OXSR1: variants seen among roughly 807,000 people sequenced by gnomAD.
OXSR1 encodes serine/threonine-protein kinase OSR1.
OXSR1 carries 24 observed loss-of-function variants against 79.8 expected under a neutral mutation model. The observed-to-expected ratio is 0.30, with a 90% confidence interval of 0.22 to 0.42. The LOEUF is 0.42. OXSR1 is among the 10% of genes least tolerant of loss of function. The pLI is 1.00. For synonymous variants in OXSR1, 226 were observed against 209.2 expected (o/e 1.08, Z -0.69); for missense variants, 430 against 618.4 (o/e 0.70, Z 3.23).
intron 10 of OXSR1, among the ~76,000 whole-genome samples, chr3:38,231,735 A>G (rs1199110237): frequency 6.6e-6 from 1 of 152,174 alleles, no homozygotes; most frequent in Admixed American, 6.6e-5. Context: ...TAATATGTAT[A>G]AAATTTCTAT....
chr3:38,169,712 C>G (rs896644828), intron 1 of OXSR1, among the ~76,000 whole-genome samples: 1 of 151,434 alleles, frequency 6.6e-6, no homozygotes, highest in Non-Finnish European at 1.5e-5. Context: ...AAATATTTTC[C>G]TGTCTGTAGT....
chr3:38,177,005 A>G (rs950248229), intron 1 of OXSR1, among the ~76,000 whole-genome samples: 1 of 152,216 alleles, frequency 6.6e-6, no homozygotes, highest in Non-Finnish European at 1.5e-5. Flanking sequence ...GGGGTAGAAT[A>G]GCTGCTTTGA....
At chr3:38,186,368 A>G (rs1037618766) in intron 2 of OXSR1, among the ~76,000 whole-genome samples, 3 of 152,194 alleles carry the variant, frequency 2.0e-5, no homozygotes, top group African/African-American at 4.8e-5. Flanking sequence ...CCCTTTAAAA[A>G]TATATAATGC....
chr3:38,181,354 G>GT (rs1201344941), intron 1 of OXSR1, among the ~76,000 whole-genome samples: 1,932 of 128,126 alleles, frequency 0.015, 36 homozygotes, highest in Admixed American at 0.031. Flanking sequence ...TGTTTCAAAA[G>GT]TTTTTTTTTT....
At chr3:38,240,448 A>ATGTG (rs921245354) in intron 11 of OXSR1, among the ~76,000 whole-genome samples, 1 of 141,302 alleles carries the variant, frequency 7.1e-6, no homozygotes, top group Non-Finnish European at 1.6e-5. Context: ...ATGTGTGTGA[A>ATGTG]TGTGTGTGTG....
chr3:38,244,236 C>T (rs926198816), intron 12 of OXSR1, among the ~76,000 whole-genome samples: 7 of 152,042 alleles, frequency 4.6e-5, no homozygotes, highest in African/African-American at 7.2e-5. Context: ...CTCTTGCATA[C>T]TCATATTCTC....
chr3:38,184,904 T>TTTC (rs1701852361), intron 2 of OXSR1, among the ~76,000 whole-genome samples: 3 of 2,620 alleles, frequency 1.1e-3, no homozygotes, highest in East Asian at 0.019. Flanking sequence ...AGAACATTTC[T>TTTC]TTTTTTTTTT....
intron 1 of OXSR1, among the ~76,000 whole-genome samples, chr3:38,179,289 C>T (rs778047363): frequency 7.9e-5 from 12 of 152,038 alleles, no homozygotes; most frequent in African/African-American, 2.2e-4. Flanking sequence ...CTTGGCCTCC[C>T]GAAGTGCTGG....
At position 38,198,708 on chromosome 3, in the gene OXSR1, T is replaced by C; in HGVS notation, c.293-14T>C. ...ATTTAGAGATTTTTAGAAAATTATG[T>C]CTTCTGTTTTCAGGTTCTGTTCTGG... On this transcript the variant is annotated splice_polypyrimidine_tract_variant and intron_variant, in intron 3 of 17. Coordinates refer to ENST00000311806, the MANE Select transcript of OXSR1 (RefSeq NM_005109.3). The C allele has an allele frequency of 6.3e-7, 1 of 1,598,890 alleles. No homozygotes were observed. Among genetic ancestry groups the C allele is most frequent in the Non-Finnish European group, 8.5e-7 (1 of 1,170,690 alleles).
Position 38,165,701 on chromosome 3 carries a change from C to T in OXSR1, c.-176C>T. ...GGTCCGCCGGAGCTCTGAGCCCCCGCTGCTCTGCCGCGCGGTGACCCCGCG... is the reference window on the plus strand; with the variant it reads ...GGTCCGCCGGAGCTCTGAGCCCCCGTTGCTCTGCCGCGCGGTGACCCCGCG... On this transcript the variant is annotated 5_prime_UTR_variant, in exon 1 of 18. Coordinates refer to ENST00000311806, the MANE Select transcript of OXSR1 (RefSeq NM_005109.3). 1 of 566,418 alleles carries T rather than the reference C, an allele frequency of 1.8e-6. No individual in the cohort carries two copies. Among genetic ancestry groups the T allele is most frequent in the Non-Finnish European group, 3.1e-6 (1 of 325,320 alleles). The allele number at this position is 566,418 out of a possible 1,614,324, so 35.1% of individuals were successfully genotyped here.
rs369899701 is a variant in OXSR1, at chr3:38,246,151, C to A, written c.1187C>A (p.Ala396Asp). 80 of 1,613,608 alleles carry A rather than the reference C, an allele frequency of 5.0e-5. No homozygotes were observed. Among genetic ancestry groups the A allele is most frequent in the Non-Finnish European group, 6.4e-5 (76 of 1,179,720 alleles). The change falls in exon 13 of 18, where the codon GCT becomes GAT. Residue 396 changes from alanine (A) to aspartate (D), a missense_variant. Physicochemically the swap from Ala to Asp is moderately radical, Grantham distance 126 (BLOSUM62 -2). Coordinates refer to ENST00000311806, the MANE Select transcript of OXSR1 (RefSeq NM_005109.3). ...EQISAHLPQPAGQIATQPTQV... is the reference protein window; with the variant it reads ...EQISAHLPQPDGQIATQPTQV... ...ATCTCTGCTCATCTACCTCAGCCAG[C>A]TGGGCAGATTGCTACACAGCCAACT...
At chr3:38,215,530 G>C (rs1268224595) in intron 4 of OXSR1, among the ~76,000 whole-genome samples, 1 of 152,218 alleles carries the variant, frequency 6.6e-6, no homozygotes, top group African/African-American at 2.4e-5. Context: ...TATATAGTCT[G>C]TTAACCAGAC....
chr3:38,195,585 G>A (rs1702059906), intron 3 of OXSR1, among the ~76,000 whole-genome samples: 1 of 152,108 alleles, frequency 6.6e-6, no homozygotes, highest in African/African-American at 2.4e-5. Flanking sequence ...AGAGATACCA[G>A]TAACTAAGTT....
intron 3 of OXSR1, among the ~76,000 whole-genome samples, chr3:38,197,279 C>G (rs1408272333): frequency 6.6e-6 from 1 of 152,214 alleles, no homozygotes; most frequent in African/African-American, 2.4e-5. Context: ...GAATAAACTG[C>G]CTATCTCCTA....
intron 1 of OXSR1, among the ~76,000 whole-genome samples, chr3:38,166,425 A>C (rs1246422472): frequency 2.0e-5 from 3 of 152,130 alleles, no homozygotes; most frequent in Non-Finnish European, 4.4e-5. Context: ...GCGCTGAGCA[A>C]CCGAGACCCA....
At chr3:38,219,251 G>T (rs1702542274) in intron 5 of OXSR1, among the ~76,000 whole-genome samples, 1 of 152,104 alleles carries the variant, frequency 6.6e-6, no homozygotes, top group South Asian at 2.1e-4. Flanking sequence ...ACCAGCTGAA[G>T]ATACAAAAAT....
rs34935629 is a variant in OXSR1, at chr3:38,179,808, C to CT, written c.71-3181dup. 7.3e-3 allele frequency among the ~76,000 whole-genome samples: 1,051 copies of CT among 144,626 alleles called. 6 individuals are homozygous for CT. The highest frequency in any genetic ancestry group is 0.011 in the Non-Finnish European group (755 of 65,700). 94.9% of individuals were successfully genotyped at this position (144,626 alleles called of 152,430 possible). A position where few individuals can be genotyped will look rare whatever the true frequency, so the allele number is the denominator to read the frequency against. ...CCATCTGCATTTGATTGGAAATAAT[C>CT]TTTTTTTTTTTTTTCCCCAAAATAG... is the stretch of plus-strand genomic sequence containing the variant. On this transcript the variant is annotated intron_variant, in intron 1 of 17. Coordinates refer to ENST00000311806, the MANE Select transcript of OXSR1 (RefSeq NM_005109.3).
At chr3:38,235,615 A>G (rs1441142762) in intron 10 of OXSR1, among the ~76,000 whole-genome samples, 3 of 152,234 alleles carry the variant, frequency 2.0e-5, no homozygotes, top group African/African-American at 4.8e-5. Flanking sequence ...ATAAGTCAGA[A>G]TACTGGAGGC....
chr3:38,233,256 A>T (rs1421182094), intron 10 of OXSR1, among the ~76,000 whole-genome samples: 3 of 152,108 alleles, frequency 2.0e-5, no homozygotes, highest in African/African-American at 7.2e-5. Context: ...ACTTCATTCA[A>T]CTCCTGGAAC....
Sources: allele counts gnomAD v4.1 joint callset (sites outside exome capture counted in the v4.1 genomes callset), GRCh38; gene constraint gnomAD v4.1.1; transcripts MANE v1.5; gene names NCBI Gene and HGNC (gene_info 2026-07-23, HGNC 2026-07-21).